Variants in ANKRD45 observed in about 807,000 individuals in gnomAD.
The protein encoded by ANKRD45 is ankyrin repeat domain-containing protein 45.
ANKRD45 carries 21 observed loss-of-function variants against 28.1 expected under a neutral mutation model. The observed-to-expected ratio is 0.75, with a 90% confidence interval of 0.53 to 1.08. The LOEUF is 1.08. Among genes scored for constraint, ANKRD45 ranks in the 50% least tolerant of loss-of-function variants. The probability of loss-of-function intolerance (pLI) is 0.00; values close to 1 mark genes in which losing one functional copy is unlikely to be tolerated. For missense variants in ANKRD45, 261 were observed against 308.7 expected, an observed-to-expected ratio of 0.85 and a Z score of 1.16; for synonymous variants, 86 against 103.9, an observed-to-expected ratio of 0.83 and a Z score of 1.05.
At chr1:173,685,051 TTTTA>T in the ANKRD45 span, among the ~76,000 whole-genome samples, 1 of 152,200 alleles carries the variant, frequency 6.6e-6, no homozygotes, top group South Asian at 2.1e-4. Flanking sequence ...CTTTACGATG[TTTTA>T]TTTTTCCTTC....
chr1:173,624,934 A>T lies in ANKRD45; in HGVS notation c.592-9T>A. On this transcript the variant is annotated splice_polypyrimidine_tract_variant and intron_variant, in intron 4 of 5. Transcript: ENST00000333279. ...GCACTGAGGATGGTATTCTAGGGAC[A>T]GAAATACAGAGTTTGCTCTCCACTT... is the stretch of plus-strand genomic sequence containing the variant. 1 of 1,604,206 alleles carries T rather than the reference A, an allele frequency of 6.2e-7. No homozygotes were observed. Among genetic ancestry groups the T allele is most frequent in the Non-Finnish European group, 8.5e-7 (1 of 1,174,672 alleles).
At chr1:173,690,907 G>A in the ANKRD45 span, among the ~76,000 whole-genome samples, 1 of 151,964 alleles carries the variant, frequency 6.6e-6, no homozygotes, top group Admixed American at 6.6e-5. Context: ...TTTGCCTTTT[G>A]GGGTGGGGCT....
At chr1:173,709,093 T>TC in the ANKRD45 span, among the ~76,000 whole-genome samples, 3 of 152,240 alleles carry the variant, frequency 2.0e-5, no homozygotes, top group Non-Finnish European at 4.4e-5. Context: ...GGCCAACCTG[T>TC]CCTTGCCTCT....
chr1:173,693,104 G>C, the ANKRD45 span, among the ~76,000 whole-genome samples: 6 of 152,124 alleles, frequency 3.9e-5, no homozygotes, highest in Admixed American at 3.3e-4. Flanking sequence ...CTTGACACCA[G>C]CCTGGCCAAC....
intron 2 of ANKRD45, among the ~76,000 whole-genome samples, chr1:173,651,035 T>G (rs1473838265): frequency 1.3e-5 from 2 of 152,198 alleles, no homozygotes; most frequent in African/African-American, 4.8e-5. Context: ...TCTCCCATCC[T>G]GTAGGTTGTC....
chr1:173,632,128 A>G (rs1668224010), intron 3 of ANKRD45, among the ~76,000 whole-genome samples: 2 of 151,976 alleles, frequency 1.3e-5, no homozygotes, highest in African/African-American at 4.8e-5. Flanking sequence ...CCCAAATTTT[A>G]AAAATCAGAA....
chr1:173,632,322 G>T (rs1044028491), intron 3 of ANKRD45, among the ~76,000 whole-genome samples: 1 of 151,860 alleles, frequency 6.6e-6, no homozygotes, highest in South Asian at 2.1e-4. Context: ...CCAATAACAA[G>T]TAATGAGATC....
intron 5 of ANKRD45, among the ~76,000 whole-genome samples, chr1:173,613,698 G>A (rs1206600633): frequency 4.0e-5 from 6 of 150,408 alleles, no homozygotes; most frequent in Non-Finnish European, 7.4e-5. Context: ...GTTGGGGGGC[G>A]CCTCTGCCCG....
At chr1:173,666,869 A>G (rs1670045581) in intron 1 of ANKRD45, among the ~76,000 whole-genome samples, 1 of 152,118 alleles carries the variant, frequency 6.6e-6, no homozygotes. Flanking sequence ...CTCCCAACTC[A>G]GCCTTCTGAG....
chr1:173,653,922 C>CTTTTTT (rs1185149394), intron 2 of ANKRD45, among the ~76,000 whole-genome samples: 89 of 100,284 alleles, frequency 8.9e-4, no homozygotes, highest in Middle Eastern at 6.2e-3. Flanking sequence ...GCAACCCTTG[C>CTTTTTT]TTTTTTTTTT....
chr1:173,628,899 C>T (rs1013684635), intron 3 of ANKRD45, among the ~76,000 whole-genome samples: 1 of 152,210 alleles, frequency 6.6e-6, no homozygotes, highest in African/African-American at 2.4e-5. Context: ...GGGTGCTTGT[C>T]TTACCCCTCC....
chr1:173,674,088 A>T (rs775255377), upstream of ANKRD45, among the ~76,000 whole-genome samples: 2 of 152,010 alleles, frequency 1.3e-5, no homozygotes, highest in African/African-American at 2.4e-5. Flanking sequence ...GGCCCACTGT[A>T]GCCTCATTCT....
chr1:173,644,732 T>G (rs982046389), intron 3 of ANKRD45, among the ~76,000 whole-genome samples: 52 of 152,196 alleles, frequency 3.4e-4, no homozygotes, highest in African/African-American at 1.2e-3. Flanking sequence ...TGGTGGCTCA[T>G]GCCTGTAATC....
intron 3 of ANKRD45, among the ~76,000 whole-genome samples, chr1:173,636,135 TTATC>T (rs1668430977): frequency 6.6e-6 from 1 of 152,118 alleles, no homozygotes; most frequent in South Asian, 2.1e-4. Flanking sequence ...GAAAATCAAG[TTATC>T]TGTCTGGGTC....
the ANKRD45 span, among the ~76,000 whole-genome samples, chr1:173,697,328 C>T: frequency 4.6e-5 from 7 of 152,158 alleles, no homozygotes; most frequent in Non-Finnish European, 1.0e-4. Context: ...CACAAAGGTA[C>T]TCCTCGAGAA....
Position 173,659,368 on chromosome 1 carries a change from C to T in ANKRD45, c.51G>A (p.Gln17=). Residue 17 remains glutamine, a synonymous_variant, in exon 2 of 6, where the codon CAG becomes CAA. Coordinates refer to ENST00000333279, the MANE Select transcript of ANKRD45 (RefSeq NM_198493.3). ...CTTCTTCTTCATTTTCCTCTTCTTG[C>T]TGTGAGAAAAATTCTGAACTCTCTG... is the stretch of plus-strand genomic sequence containing the variant. ...PESESSEFFS[Q]QEEENEEEEA... The T allele has an allele frequency of 1.9e-6, 3 of 1,606,758 alleles. No individual in the cohort carries two copies. The South Asian group carries it at 3.3e-5, about 18-fold the overall frequency.
intron 2 of ANKRD45, 23 bp from the exon 3 acceptor site, chr1:173,647,036 T>C (rs370002701): frequency 1.9e-5 from 30 of 1,607,068 alleles, no homozygotes; most frequent in Non-Finnish European, 2.6e-5. Context: ...ATGAAGATGG[T>C]GAGATCAAAC....
At chr1:173,692,644 CT>C in the ANKRD45 span, among the ~76,000 whole-genome samples, 2 of 152,132 alleles carry the variant, frequency 1.3e-5, no homozygotes, top group Non-Finnish European at 2.9e-5. Flanking sequence ...ACTGATGCTG[CT>C]TCATTTCAAA....
At chr1:173,676,561 A>G in the ANKRD45 span, among the ~76,000 whole-genome samples, 6 of 152,152 alleles carry the variant, frequency 3.9e-5, no homozygotes, top group African/African-American at 7.2e-5. Context: ...TACAATCTCC[A>G]AAGTAATCAG....
Sources: gnomAD v4.1 joint callset for allele counts (sites outside exome capture counted in the v4.1 genomes callset) on GRCh38, gnomAD v4.1.1 for gene constraint, MANE v1.5 for transcripts, NCBI Gene and HGNC (gene_info 2026-07-23, HGNC 2026-07-21) for gene names.